The following ANKS1B variants were observed in gnomAD, a reference collection of about 807,000 sequenced individuals.
ANKS1B encodes ankyrin repeat and sterile alpha motif domain containing 1B, also known as ankyrin repeat and sterile alpha motif domain-containing protein 1B.
In ANKS1B, 36 loss-of-function variants were observed where a neutral mutation model predicts 148.3. That is an observed-to-expected ratio of 0.24 (90% CI 0.19 to 0.32). The LOEUF is 0.32. ANKS1B is among the 10% of genes least tolerant of loss of function. The probability of loss-of-function intolerance (pLI) is 1.00; values close to 1 mark genes in which losing one functional copy is unlikely to be tolerated. For synonymous variants in ANKS1B, 542 were observed against 560.8 expected, an observed-to-expected ratio of 0.97 and a Z score of 0.47; for missense variants, 1,157 against 1,542.6, an observed-to-expected ratio of 0.75 and a Z score of 4.19.
intron 24 of ANKS1B, among the ~76,000 whole-genome samples, chr12:98,773,748 G>A (rs978000555): frequency 7.2e-5 from 11 of 152,148 alleles, no homozygotes; most frequent in African/African-American, 9.7e-5. Context: ...GAGTCACCGC[G>A]TCCGGCCTCC....
At chr12:99,233,381 G>A (rs1330374918) in intron 14 of ANKS1B, among the ~76,000 whole-genome samples, 1 of 152,042 alleles carries the variant, frequency 6.6e-6, no homozygotes, top group Non-Finnish European at 1.5e-5. Flanking sequence ...ACTGGGACTT[G>A]AGACCAGGTC....
rs1035324 is a variant in ANKS1B at position 98,805,689 on chromosome 12, T to C, written c.3141+2155A>G. ...AAATTGCAGCTTTTAAACTTTGCATTATTTCAACAGGTGGTAAATAGCTGC... is the reference window on the plus strand; with the variant it reads ...AAATTGCAGCTTTTAAACTTTGCATCATTTCAACAGGTGGTAAATAGCTGC... On this transcript the variant is annotated intron_variant, in intron 20 of 26. Transcript: ENST00000683438. 7.1e-3 allele frequency among the ~76,000 whole-genome samples: 1,080 copies of C among 152,350 alleles called. 33 individuals carry two copies. Among genetic ancestry groups the C allele is most frequent in the Admixed American group, 0.052 (800 of 15,300 alleles).
chr12:99,202,872 T>A (rs894530921), intron 14 of ANKS1B, among the ~76,000 whole-genome samples: 1 of 152,200 alleles, frequency 6.6e-6, no homozygotes, highest in Non-Finnish European at 1.5e-5. Context: ...TGTATTTGTC[T>A]TTATTCCTGT....
At position 99,655,183 on chromosome 12, in the gene ANKS1B, G is replaced by A. The variant is rs1446115897; in HGVS notation, c.1156C>T (p.Pro386Ser). Residue 386 changes from proline (P) to serine (S), a missense_variant, in exon 9 of 27, where the codon CCA becomes TCA. Physicochemically the swap from Pro to Ser is moderately conservative, Grantham distance 74. Around this residue, in one of 6 missense-constraint regions of ANKS1B, gnomAD observed 661 missense variants for 642.1 expected, o/e 1.03. Transcript: ENST00000683438. ...VRTSSTINLSPGEVEEEDDDE... is the reference protein window; with the variant it reads ...VRTSSTINLSSGEVEEEDDDE... ...TCATCCTCTTCTTCCACTTCTCCTG[G>A]TGACAAATTGATTGTAGATGAGGTT... 1.2e-6 allele frequency: 2 copies of A among 1,610,638 alleles called. No homozygotes were observed. Among genetic ancestry groups the A allele is most frequent in the Admixed American group, 3.4e-5 (2 of 59,686 alleles).
chr12:99,758,494 A>G (rs145354121), intron 8 of ANKS1B, among the ~76,000 whole-genome samples: 1,531 of 152,000 alleles, frequency 0.01, 14 homozygotes, highest in Non-Finnish European at 0.016. Flanking sequence ...CTATCCTCAC[A>G]ACAATCCTGC....
At chr12:99,467,597 G>T (rs1041987017) in intron 10 of ANKS1B, among the ~76,000 whole-genome samples, 4 of 152,118 alleles carry the variant, frequency 2.6e-5, no homozygotes, top group African/African-American at 4.8e-5. Context: ...AAAGTCTCAG[G>T]AAACAAAATC....
intron 16 of ANKS1B, chr12:99,079,693 T>C (rs2048991093): frequency 6.6e-6 from 1 of 152,152 alleles, no homozygotes; most frequent in South Asian, 2.1e-4. Context: ...AAGAAGACAA[T>C]GTTAATAGTG....
At chr12:98,758,154 C>T (rs2098306955) in intron 25 of ANKS1B, among the ~76,000 whole-genome samples, 1 of 152,072 alleles carries the variant, frequency 6.6e-6, no homozygotes, top group African/African-American at 2.4e-5. Flanking sequence ...ATGCACCATG[C>T]TAAGTGCTTC....
chr12:99,325,063 T>C (rs1174888470), intron 12 of ANKS1B, among the ~76,000 whole-genome samples: 1 of 152,166 alleles, frequency 6.6e-6, no homozygotes, highest in Non-Finnish European at 1.5e-5. Context: ...TTTCAGTCAA[T>C]GATGGACTGT....
chr12:99,954,823 T>G (rs2153826127), intron 1 of ANKS1B, among the ~76,000 whole-genome samples: 2 of 152,264 alleles, frequency 1.3e-5, no homozygotes, highest in Middle Eastern at 6.8e-3. Flanking sequence ...AAAAATTATC[T>G]GGTCCAAATG....
intron 12 of ANKS1B, among the ~76,000 whole-genome samples, chr12:99,322,058 G>A (rs138506737): frequency 5.3e-5 from 8 of 152,088 alleles, no homozygotes; most frequent in Non-Finnish European, 7.4e-5. Flanking sequence ...AAATGCACAC[G>A]TATGTTTATT....
chr12:98,916,462 T>C (rs2099794577), intron 17 of ANKS1B, among the ~76,000 whole-genome samples: 1 of 152,352 alleles, frequency 6.6e-6, no homozygotes, highest in South Asian at 2.1e-4. Context: ...AAAGTGCTAC[T>C]GAGTAAATGA....
At chr12:98,740,772 T>C (rs895141806), downstream of ANKS1B, among the ~76,000 whole-genome samples, 1 of 152,166 alleles carries the variant, frequency 6.6e-6, no homozygotes, top group African/African-American at 2.4e-5. Flanking sequence ...TCCTCCTACA[T>C]AGGGGTGGCC....
chr12:99,880,991 G>A (rs142681295), intron 1 of ANKS1B, among the ~76,000 whole-genome samples: 1 of 152,318 alleles, frequency 6.6e-6, no homozygotes, highest in East Asian at 1.9e-4. Context: ...TGGACAGAAT[G>A]CACTGAACAG....
At chr12:99,222,080 AC>A (rs1601811586) in intron 14 of ANKS1B, among the ~76,000 whole-genome samples, 1 of 152,334 alleles carries the variant, frequency 6.6e-6, no homozygotes, top group East Asian at 1.9e-4. Flanking sequence ...GGTTAAAAAA[AC>A]AAGATAAAGA....
intron 1 of ANKS1B, among the ~76,000 whole-genome samples, chr12:99,859,222 T>C (rs1449994662): frequency 6.6e-6 from 1 of 152,210 alleles, no homozygotes; most frequent in East Asian, 1.9e-4. Flanking sequence ...AATCAGTTAG[T>C]CTTATTGTGG....
rs569192190 is a variant in ANKS1B at position 98,956,100 on chromosome 12, C to T, written c.2778+97057G>A. 3.0e-4 allele frequency among the ~76,000 whole-genome samples: 45 copies of T among 152,280 alleles called. No homozygotes were observed. In the South Asian group the frequency reaches 5.2e-3, roughly 18 times the overall value. ...GAGCCACACCATGTCTAAAATGGAACGCACTCTCTTTATCCCAAGCCTGGT... is the reference window on the plus strand; with the variant it reads ...GAGCCACACCATGTCTAAAATGGAATGCACTCTCTTTATCCCAAGCCTGGT... On this transcript the variant is annotated intron_variant, in intron 17 of 26. Coordinates refer to ENST00000683438, the MANE Select transcript of ANKS1B (RefSeq NM_001352186.2).
At chr12:99,769,012 C>T (rs967063890) in intron 8 of ANKS1B, among the ~76,000 whole-genome samples, 5 of 146,562 alleles carry the variant, frequency 3.4e-5, no homozygotes, top group African/African-American at 1.0e-4. Context: ...GAAATAAATG[C>T]TTTTTTTTTT....
intron 14 of ANKS1B, among the ~76,000 whole-genome samples, chr12:99,184,351 T>C (rs911958100): frequency 1.3e-5 from 2 of 152,200 alleles, no homozygotes; most frequent in African/African-American, 4.8e-5. Flanking sequence ...GTGTGCAAGA[T>C]TGGAATTTGG....
Sources: gnomAD v4.1 joint callset for allele counts (sites outside exome capture counted in the v4.1 genomes callset) on GRCh38, gnomAD v4.1.1 for gene constraint, gnomAD v4.1.1 regional missense constraint, MANE v1.5 for transcripts, NCBI Gene and HGNC (gene_info 2026-07-23, HGNC 2026-07-21) for gene names.